Variants in TDRD12 observed in about 807,000 individuals in gnomAD.
TDRD12 encodes the protein tudor domain containing 12.
In TDRD12, 158 loss-of-function variants were observed where a neutral mutation model predicts 133.5. The observed-to-expected ratio is 1.18, with a 90% CI of 1.04 to 1.35. TDRD12 has a LOEUF of 1.35. Among genes scored for constraint, TDRD12 ranks in the 40% most tolerant of loss-of-function variants. The pLI, the probability that TDRD12 is intolerant of heterozygous loss-of-function variation, is 0.00. For synonymous variants in TDRD12, 460 were observed against 477.9 expected, an observed-to-expected ratio of 0.96 and a Z score of 0.49; for missense variants, 1,443 against 1,321.3, an observed-to-expected ratio of 1.09 and a Z score of -1.43.
exon 24 of TDRD12, chr19:32,811,372 T>C: frequency 6.5e-7 from 1 of 1,536,182 alleles, no homozygotes. Context: ...TGGAGTTTAT[T>C]GTCTGTAGGG....
chr19:32,802,150 C>G (rs563262848), intron 19 of TDRD12, among the ~76,000 whole-genome samples: 2 of 138,588 alleles, frequency 1.4e-5, no homozygotes, highest in African/African-American at 2.7e-5. Context: ...TATATATTAT[C>G]ATATATATAT....
exon 21 of TDRD12, chr19:32,802,957 A>T (rs748027943): frequency 3.4e-5 from 52 of 1,535,766 alleles, no homozygotes; most frequent in Admixed American, 5.9e-5. Flanking sequence ...AGAAAGCCAA[A>T]TCTGTCTTGC....
intron 21 of TDRD12, among the ~76,000 whole-genome samples, chr19:32,806,297 G>C (rs1971545791): frequency 6.7e-6 from 1 of 148,598 alleles, no homozygotes; most frequent in African/African-American, 2.5e-5. Flanking sequence ...CATTAAATGT[G>C]TTACTAGCAG....
At chr19:32,803,361 C>T (rs962283823) in intron 21 of TDRD12, among the ~76,000 whole-genome samples, 5 of 152,198 alleles carry the variant, frequency 3.3e-5, no homozygotes, top group Admixed American at 1.3e-4. Flanking sequence ...GAAATGGCAT[C>T]GTGGTATGTT....
chr19:32,785,436 G>A (rs1970879063), intron 11 of TDRD12, among the ~76,000 whole-genome samples: 1 of 152,186 alleles, frequency 6.6e-6, no homozygotes, highest in Non-Finnish European at 1.5e-5. Flanking sequence ...TGTATATTCT[G>A]TTGATTTGGT....
At chr19:32,768,255 C>A (rs759845724) in intron 8 of TDRD12, among the ~76,000 whole-genome samples, 1 of 152,120 alleles carries the variant, frequency 6.6e-6, no homozygotes, top group Non-Finnish European at 1.5e-5. Context: ...TGCCACACTC[C>A]CCAGCACAGA....
At chr19:32,770,391 C>T (rs1970412900) in intron 8 of TDRD12, among the ~76,000 whole-genome samples, 1 of 151,982 alleles carries the variant, frequency 6.6e-6, no homozygotes. Context: ...CCATTTTCCC[C>T]CTCTTCCTTT....
intron 13 of TDRD12, 83 bp downstream of exon 13, chr19:32,791,151 G>C: frequency 7.3e-7 from 1 of 1,366,374 alleles, no homozygotes; most frequent in East Asian, 2.6e-5. Context: ...TGGCTCTAAG[G>C]TTGCATTGTA....
intron 23 of TDRD12, 92 bp downstream of exon 23, chr19:32,810,369 T>A: frequency 9.5e-7 from 1 of 1,050,454 alleles, no homozygotes; most frequent in Non-Finnish European, 1.3e-6. Flanking sequence ...TCCATTTGAC[T>A]GAGTGTGTAT....
chr19:32,826,015 C>CA, downstream of TDRD12: 1 of 1,030,442 alleles, frequency 9.7e-7, no homozygotes, highest in East Asian at 2.8e-5. Context: ...GCATAAGGTA[C>CA]AAAAAAGTAT....
At chr19:32,802,746 G>A in exon 20 of TDRD12, 1 of 1,536,608 alleles carries the variant, frequency 6.5e-7, no homozygotes. Flanking sequence ...AAAGTTTTTG[G>A]TGGACGCCTG....
chr19:32,733,470 C>A (rs1412213414), intron 2 of TDRD12, among the ~76,000 whole-genome samples: 82 of 143,132 alleles, frequency 5.7e-4, no homozygotes, highest in South Asian at 6.7e-4. Context: ...AACTCTGTCT[C>A]AAAAAAAAAA....
intron 26 of TDRD12, among the ~76,000 whole-genome samples, 184 bp downstream of exon 26, chr19:32,815,804 G>T (rs891755965): frequency 1.3e-5 from 2 of 152,142 alleles, no homozygotes; most frequent in South Asian, 2.1e-4. Context: ...GACCATCCTG[G>T]CCAACATGGT....
intron 1 of TDRD12, among the ~76,000 whole-genome samples, chr19:32,726,872 G>A (rs1181054853): frequency 1.3e-5 from 2 of 152,076 alleles, no homozygotes; most frequent in Admixed American, 6.5e-5. Context: ...CCACATTTTA[G>A]CTATTGTGAA....
rs571868280 is a variant in TDRD12 at position 32,790,570 on chromosome 19, C to T, written c.1161C>T (p.Asp387=). ...TAAATCCTGATCCTTTGAGAGCTGA[C>T]GGAATCTCTGATCTCCAGCAGGTAT... The change falls in exon 12 of 28, where the codon GAC becomes GAT. Residue 387 remains aspartate, a synonymous_variant. Transcript: ENST00000444215. 5.7e-5 allele frequency: 88 copies of T among 1,551,864 alleles called. 1 individual carries two copies. The South Asian group carries it at 7.4e-4, about 13-fold the overall frequency.
chr19:32,799,798 G>C lies in TDRD12; in HGVS notation c.1759-369G>C, dbSNP rs186244975. On this transcript the variant is annotated intron_variant, in intron 16 of 27. Coordinates refer to ENST00000444215, the Ensembl canonical transcript of TDRD12. The stretch of plus-strand genomic sequence containing the variant: ...CGCCCAGGCTGGAGTGCAATGGCTT[G>C]ATCTTGGCTCACTGTAACCTCCACC... 3.4e-3 allele frequency among the ~76,000 whole-genome samples: 401 copies of C among 119,200 alleles called. 1 individual carries two copies. The highest frequency in any genetic ancestry group is 0.012 in the African/African-American group (369 of 30,474). 78.2% of individuals were successfully genotyped at this position (119,200 alleles called of 152,430 possible). A position where few individuals can be genotyped will look rare whatever the true frequency, so the allele number is the denominator to read the frequency against.
intron 19 of TDRD12, 97 bp from the exon 20 acceptor site, chr19:32,802,559 A>T (rs1254572416): frequency 2.0e-5 from 27 of 1,336,562 alleles, no homozygotes; most frequent in Non-Finnish European, 2.7e-5. Flanking sequence ...GTAAAATGTG[A>T]TATGGAAATG....
At chr19:32,728,393 G>A (rs1035863104) in intron 1 of TDRD12, among the ~76,000 whole-genome samples, 5 of 152,176 alleles carry the variant, frequency 3.3e-5, no homozygotes, top group African/African-American at 1.2e-4. Flanking sequence ...GTCAATGAAT[G>A]TGGGATGTCT....
intron 25 of TDRD12, among the ~76,000 whole-genome samples, chr19:32,814,971 A>G (rs1257066932): frequency 6.6e-6 from 1 of 152,222 alleles, no homozygotes; most frequent in East Asian, 1.9e-4. Flanking sequence ...TTAATTTTGT[A>G]TAAATGGAAA....
Sources: gnomAD v4.1 joint callset for allele counts (sites outside exome capture counted in the v4.1 genomes callset) on GRCh38, gnomAD v4.1.1 for gene constraint, MANE v1.5 for transcripts, NCBI Gene and HGNC (gene_info 2026-07-23, HGNC 2026-07-21) for gene names.